CDH1: variants seen among roughly 807,000 people sequenced by gnomAD.
CDH1 encodes cadherin 1.
CDH1 carries 35 observed loss-of-function variants against 84.5 expected under a neutral mutation model. The ratio of observed to expected loss-of-function variants is 0.41; its 90% CI spans 0.32 to 0.55. CDH1 has a LOEUF of 0.55. Ranked by LOEUF, CDH1 falls within the 20% of genes least tolerant of loss-of-function variation. The pLI, the probability that CDH1 is intolerant of heterozygous loss-of-function variation, is 0.19. For missense variants in CDH1, 994 were observed against 1,126.6 expected (o/e 0.88, Z 1.68); for synonymous variants, 417 against 439.0 (o/e 0.95, Z 0.63).
chr16:68,830,854 G>A (rs1291265829), intron 15 of CDH1, among the ~76,000 whole-genome samples: 1 of 152,126 alleles, frequency 6.6e-6, no homozygotes, highest in African/African-American at 2.4e-5. Context: ...AGAAGGTTGT[G>A]CCTGTCTGCA....
chr16:68,803,846 A>G (rs1328602875), intron 3 of CDH1, among the ~76,000 whole-genome samples: 1 of 151,936 alleles, frequency 6.6e-6, no homozygotes, highest in Non-Finnish European at 1.5e-5. Context: ...TTTATTCCTC[A>G]AGTTAAGGAA....
chr16:68,817,091 T>G (rs1036738579), intron 10 of CDH1, among the ~76,000 whole-genome samples: 1 of 152,236 alleles, frequency 6.6e-6, no homozygotes, highest in Non-Finnish European at 1.5e-5. Flanking sequence ...TGCTTTGCAC[T>G]TCCAAAGAAG....
At chr16:68,789,631 G>A (rs559240394) in intron 2 of CDH1, among the ~76,000 whole-genome samples, 21 of 151,998 alleles carry the variant, frequency 1.4e-4, no homozygotes, top group South Asian at 1.2e-3. Flanking sequence ...TTAAGCAAGC[G>A]TCACCACAAT....
chr16:68,745,549 A>ATATATATATTTATATATGT (rs1285099283), intron 2 of CDH1, among the ~76,000 whole-genome samples: 1 of 75,182 alleles, frequency 1.3e-5, no homozygotes, highest in Non-Finnish European at 2.4e-5. Flanking sequence ...AAAAAAAAAA[A>ATATATATATTTATATATGT]ATATATATAT....
rs780399325 is a variant in CDH1 at position 68,811,717 on chromosome 16, C to T, written c.866C>T (p.Ala289Val). Residue 289 changes from alanine (A) to valine (V), a missense_variant, in exon 7 of 16, where the codon GCG (alanine) becomes GTG (valine). Around this residue, in one of 3 missense-constraint regions of CDH1, gnomAD observed 769 missense variants for 881.8 expected, o/e 0.87. Transcript: ENST00000261769. Reference sequence around the variant, plus strand: ...GTGATGGAGGTCACAGCCACAGACGCGGACGATGATGTGAACACCTACAAT... The same window carrying T: ...GTGATGGAGGTCACAGCCACAGACGTGGACGATGATGTGAACACCTACAAT... ...TSVMEVTATD[A>V]DDDVNTYNAA... 9.9e-6 allele frequency: 16 copies of T among 1,614,038 alleles called. No homozygotes were observed. The highest frequency in any genetic ancestry group is 4.5e-5 in the East Asian group (2 of 44,872).
intron 3 of CDH1, among the ~76,000 whole-genome samples, chr16:68,803,772 T>G (rs1960576134): frequency 6.6e-6 from 1 of 152,182 alleles, no homozygotes; most frequent in Admixed American, 6.6e-5. Flanking sequence ...CCATGTCTGC[T>G]GTATCATGAT....
chr16:68,804,824 C>CTTTTT lies in CDH1; in HGVS notation c.387+2950_387+2954dup, dbSNP rs5817653. Among the ~76,000 whole-genome samples, 31 of 69,674 alleles carry CTTTTT rather than the reference C, an allele frequency of 4.4e-4. 1 individual carries two copies. Among genetic ancestry groups the CTTTTT allele is most frequent in the African/African-American group, 1.2e-3 (18 of 14,996 alleles). The allele number at this position is 69,674 out of a possible 152,430, so 45.7% of individuals were successfully genotyped here. On this transcript the variant is annotated intron_variant, in intron 3 of 15. Transcript: ENST00000261769. ...AAACAACATATCCAGGTAACAAAATCTTTTTTTTTTTTTTTTTTTTTTTGG... is the reference window on the plus strand; with the variant it reads ...AAACAACATATCCAGGTAACAAAATCTTTTTTTTTTTTTTTTTTTTTTTTTTTTGG...
intron 6 of CDH1, among the ~76,000 whole-genome samples, chr16:68,810,964 A>C (rs1048698307): frequency 6.6e-6 from 1 of 151,878 alleles, no homozygotes; most frequent in South Asian, 2.1e-4. Flanking sequence ...CCTCAGCCCC[A>C]CAAGCTGCTA....
intron 2 of CDH1, among the ~76,000 whole-genome samples, chr16:68,749,084 G>C (rs1447968378): frequency 6.6e-6 from 1 of 152,172 alleles, no homozygotes; most frequent in Non-Finnish European, 1.5e-5. Flanking sequence ...TGATCCACCT[G>C]CCTTGGCCTC....
At chr16:68,806,296 T>G (rs1395830908) in intron 3 of CDH1, among the ~76,000 whole-genome samples, 5 of 152,016 alleles carry the variant, frequency 3.3e-5, no homozygotes. Flanking sequence ...GGACCCCGTG[T>G]GTGCCACCAT....
At chr16:68,738,190 C>A (rs1316265556) in intron 1 of CDH1, 107 bp from the exon 2 acceptor site, 1 of 767,192 alleles carries the variant, frequency 1.3e-6, no homozygotes, top group Non-Finnish European at 2.2e-6. Context: ...TGGGGTCCTC[C>A]CCCAATCCCG....
intron 2 of CDH1, among the ~76,000 whole-genome samples, chr16:68,752,410 G>A (rs774569017): frequency 1.3e-5 from 2 of 152,212 alleles, no homozygotes; most frequent in Non-Finnish European, 2.9e-5. Context: ...AGCCTCAGGA[G>A]GCCAGGGATT....
intron 15 of CDH1, among the ~76,000 whole-genome samples, chr16:68,832,793 C>T (rs1961518586): frequency 6.6e-6 from 1 of 152,044 alleles, no homozygotes; most frequent in African/African-American, 2.4e-5. Flanking sequence ...GCACTCCAGC[C>T]TGTGTGACAA....
At chr16:68,793,895 C>T (rs369577237) in intron 2 of CDH1, among the ~76,000 whole-genome samples, 4 of 143,638 alleles carry the variant, frequency 2.8e-5, no homozygotes, top group African/African-American at 7.9e-5. Context: ...TGCACCATTG[C>T]ACTCCAGTGT....
intron 10 of CDH1, among the ~76,000 whole-genome samples, chr16:68,816,469 G>A (rs1014816337): frequency 6.6e-6 from 1 of 152,154 alleles, no homozygotes; most frequent in African/African-American, 2.4e-5. Context: ...TTTTGGGTTG[G>A]GCATAGCAGC....
At chr16:68,760,050 A>G (rs1229438088) in intron 2 of CDH1, among the ~76,000 whole-genome samples, 1 of 151,164 alleles carries the variant, frequency 6.6e-6, no homozygotes, top group African/African-American at 2.4e-5. Flanking sequence ...ACAGATGGAA[A>G]TGTGAACTGT....
chr16:68,822,871 G>A (rs1961199519), intron 12 of CDH1: 2 of 219,642 alleles, frequency 9.1e-6, no homozygotes, highest in South Asian at 7.4e-5. Flanking sequence ...CCCTGGGTGC[G>A]ATGGAAGTCA....
intron 2 of CDH1, among the ~76,000 whole-genome samples, chr16:68,778,516 A>T (rs1959792771): frequency 1.3e-5 from 2 of 152,192 alleles, no homozygotes; most frequent in Non-Finnish European, 2.9e-5. Flanking sequence ...CAGTGATTCC[A>T]CGTGGTCCTG....
chr16:68,743,978 G>A (rs886506078), intron 2 of CDH1, among the ~76,000 whole-genome samples: 1 of 152,230 alleles, frequency 6.6e-6, no homozygotes, highest in East Asian at 1.9e-4. Context: ...AGACCCTGAG[G>A]TTACGGCAGA....
Sources: allele counts gnomAD v4.1 joint callset (sites outside exome capture counted in the v4.1 genomes callset), GRCh38; gene constraint gnomAD v4.1.1; regional missense constraint gnomAD v4.1.1; transcripts MANE v1.5; gene names NCBI Gene and HGNC (gene_info 2026-07-23, HGNC 2026-07-21).